ERICH1: variants seen among roughly 807,000 people sequenced by gnomAD.
ERICH1 encodes glutamate rich 1.
Under a neutral mutation model 39.6 loss-of-function variants are expected in ERICH1, and 56 were observed. That is an observed-to-expected ratio of 1.41 (90% CI 1.14 to 1.77). ERICH1 has a LOEUF of 1.77. Ranked by LOEUF, ERICH1 falls within the 40% of genes most tolerant of loss-of-function variation. The pLI, the probability that ERICH1 is intolerant of heterozygous loss-of-function variation, is 0.00. For synonymous variants in ERICH1, 313 were observed against 223.6 expected, an observed-to-expected ratio of 1.40 and a Z score of -3.57; for missense variants, 826 against 575.4, an observed-to-expected ratio of 1.44 and a Z score of -4.45.
chr8:705,758 C>T (rs959774662), intron 2 of ERICH1, among the ~76,000 whole-genome samples: 9 of 152,166 alleles, frequency 5.9e-5, no homozygotes, highest in Admixed American at 5.2e-4. Flanking sequence ...TCTTTACTCA[C>T]AAAGGAAAAA....
intron 1 of ERICH1, among the ~76,000 whole-genome samples, chr8:723,321 AGC>A (rs1456420579): frequency 6.6e-6 from 1 of 152,244 alleles, no homozygotes; most frequent in East Asian, 1.9e-4. Flanking sequence ...ATTCCTTTAC[AGC>A]AATGCAGAAC....
chr8:664,651 G>A lies in ERICH1; in HGVS notation c.1284C>T (p.Phe428=), dbSNP rs779979642. ...PPDHARVISA[F]FSYWITHILP... ...GGATATGTGTGATCCAGTAACTAAA[G>A]AAAGCTGAGATTACTCTGGCATGGT... is the stretch of plus-strand genomic sequence containing the variant. Residue 428 remains phenylalanine (F), a synonymous_variant, in exon 6 of 6, where the codon TTC becomes TTT. Coordinates refer to ENST00000262109, the MANE Select transcript of ERICH1 (RefSeq NM_207332.3). 6.2e-7 allele frequency: 1 copy of A among 1,612,476 alleles called. No individual in the cohort carries two copies. Among genetic ancestry groups the A allele is most frequent in the Non-Finnish European group, 8.5e-7 (1 of 1,179,520 alleles).
chr8:648,866 A>C lies in ERICH1; in HGVS notation c.976+19732T>G, dbSNP rs1232880415. ...CATAATGATAGTAGATTCTAATATA[A>C]AATACTGGGAATCTAATTTTCTGAA... On this transcript the variant is annotated intron_variant, in intron 3 of 3. Coordinates refer to the ERICH1 transcript ENST00000522706. 2.9e-5 allele frequency among the ~76,000 whole-genome samples: 2 copies of C among 69,744 alleles called. 1 individual carries two copies. The highest frequency in any genetic ancestry group is 9.0e-5 in the Non-Finnish European group (2 of 22,164). The allele number at this position is 69,744 out of a possible 152,430, so 45.8% of individuals were successfully genotyped here.
chr8:730,270 G>T (rs1321091078), intron 1 of ERICH1, among the ~76,000 whole-genome samples: 1 of 152,190 alleles, frequency 6.6e-6, no homozygotes, highest in Admixed American at 6.5e-5. Context: ...GAAGACTTGA[G>T]ACCATATTTT....
At chr8:681,056 A>G (rs1806005332) in intron 3 of ERICH1, among the ~76,000 whole-genome samples, 1 of 152,228 alleles carries the variant, frequency 6.6e-6, no homozygotes, top group Non-Finnish European at 1.5e-5. Flanking sequence ...TGCTGCCCAA[A>G]GCCACTAAAA....
intron 3 of ERICH1, chr8:626,989 G>T: frequency 2.5e-6 from 1 of 399,920 alleles, no homozygotes; most frequent in South Asian, 1.8e-5. Context: ...AGCACAGCTT[G>T]GCCTGGTACT....
intron 1 of ERICH1, among the ~76,000 whole-genome samples, chr8:720,896 G>A (rs1349151246): frequency 6.6e-6 from 1 of 152,128 alleles, no homozygotes; most frequent in Non-Finnish European, 1.5e-5. Flanking sequence ...TCTGACCCCT[G>A]CTACTTCTGG....
At chr8:633,186 G>A (rs952990842) in intron 3 of ERICH1, among the ~76,000 whole-genome samples, 15 of 151,880 alleles carry the variant, frequency 9.9e-5, no homozygotes, top group Non-Finnish European at 1.8e-4. Context: ...CAGGACAGAC[G>A]GAGGCTGTGC....
intron 2 of ERICH1, among the ~76,000 whole-genome samples, chr8:702,830 G>A (rs1161490766): frequency 6.6e-6 from 1 of 152,242 alleles, no homozygotes; most frequent in Non-Finnish European, 1.5e-5. Flanking sequence ...CAGAAGGCAG[G>A]AGCGAGAGCT....
chr8:731,201 C>T lies in ERICH1; in HGVS notation c.-40G>A, dbSNP rs1201101479. 4.8e-6 allele frequency: 7 copies of T among 1,463,032 alleles called. No individual in the cohort carries two copies. The highest frequency in any genetic ancestry group is 5.6e-5 in the East Asian group (2 of 35,698). 90.6% of individuals were successfully genotyped at this position (1,463,032 alleles called of 1,614,324 possible). On this transcript the variant is annotated 5_prime_UTR_variant, in exon 1 of 6. Coordinates refer to ENST00000262109, the MANE Select transcript of ERICH1 (RefSeq NM_207332.3). ...CGGACCTCAGACCACGGCGCGCGGT[C>T]CTGAGCTGAGCGCCGTGCCTTCCGG...
intron 2 of ERICH1, among the ~76,000 whole-genome samples, chr8:697,486 G>C (rs10093766): frequency 6.6e-6 from 1 of 152,010 alleles, no homozygotes; most frequent in African/African-American, 2.4e-5. Flanking sequence ...AAGAAGCTTG[G>C]CTCAGACTCC....
At chr8:681,983 G>A (rs921012991) in intron 3 of ERICH1, among the ~76,000 whole-genome samples, 1 of 152,156 alleles carries the variant, frequency 6.6e-6, no homozygotes, top group African/African-American at 2.4e-5. Context: ...GGGTTGTTTA[G>A]CCAGACTCTC....
intron 4 of ERICH1, among the ~76,000 whole-genome samples, chr8:670,171 G>A (rs1316689978): frequency 1.3e-5 from 2 of 152,046 alleles, no homozygotes; most frequent in African/African-American, 2.4e-5. Context: ...TGTCTTTTGA[G>A]GCCTGAATTT....
chr8:727,918 G>C (rs953679857), intron 1 of ERICH1, among the ~76,000 whole-genome samples: 5 of 152,288 alleles, frequency 3.3e-5, no homozygotes, highest in Admixed American at 2.6e-4. Flanking sequence ...TAAATCCAGG[G>C]GCGCATCCTC....
chr8:652,593 T>C (rs77726326), intron 3 of ERICH1, among the ~76,000 whole-genome samples: 1 of 152,222 alleles, frequency 6.6e-6, no homozygotes, highest in African/African-American at 2.4e-5. Context: ...CCTATGGTCA[T>C]TCAAAAGCTG....
chr8:616,366 G>A, intron 3 of ERICH1: 1 of 353,094 alleles, frequency 2.8e-6, no homozygotes, highest in South Asian at 2.1e-5. Flanking sequence ...TCGGCCAGGT[G>A]TGGGCGGCCG....
intron 2 of ERICH1, among the ~76,000 whole-genome samples, chr8:708,701 T>TG (rs1813996325): frequency 1.5e-5 from 2 of 136,648 alleles, no homozygotes; most frequent in African/African-American, 2.8e-5. Context: ...TTTTTTTTTT[T>TG]TTTTTTTTTT....
Position 673,317 on chromosome 8 carries a change from C to G in ERICH1, c.1035G>C (p.Lys345Asn), listed in dbSNP as rs1342550940. The part of the protein sequence containing the change: ...EKAHSILNFL[K>N]STQEMYFYDG... ...CATAAAAATACATTTCCTGTGTTGA[C>G]TTCAAAAAATTTAGAATACTGTGTG... The change falls in exon 4 of 6, where the codon AAG (lysine) becomes AAC (asparagine). Residue 345 changes from lysine (K) to asparagine (N), a missense_variant. Physicochemically the swap from Lys to Asn is moderately conservative, Grantham distance 94. Transcript: ENST00000262109. 6.2e-7 allele frequency: 1 copy of G among 1,608,666 alleles called. No individual in the cohort carries two copies. Among genetic ancestry groups the G allele is most frequent in the East Asian group, 2.2e-5 (1 of 44,776 alleles).
At position 620,172 on chromosome 8, in the gene ERICH1, C is replaced by T. The variant is rs1186052899; in HGVS notation, c.977-4888G>A. ...ACTAAAAATACAAAAATTAGCCAGG[C>T]GTGGTGGCGCACACCTGTAATCCCA... On this transcript the variant is annotated intron_variant, in intron 3 of 3. Transcript: ENST00000522706. Among the ~76,000 whole-genome samples, 4 of 152,002 alleles carry T rather than the reference C, an allele frequency of 2.6e-5. No individual in the cohort carries two copies. In the East Asian group the frequency reaches 5.8e-4, roughly 22 times the overall value.
Sources: allele counts gnomAD v4.1 joint callset (sites outside exome capture counted in the v4.1 genomes callset), GRCh38; gene constraint gnomAD v4.1.1; transcripts MANE v1.5; gene names NCBI Gene and HGNC (gene_info 2026-07-23, HGNC 2026-07-21).